The following LNX1 variants were observed in gnomAD, a reference collection of about 807,000 sequenced individuals.
The protein encoded by LNX1 is E3 ubiquitin-protein ligase LNX.
Under a neutral mutation model 68.4 loss-of-function variants are expected in LNX1, and 54 were observed. That is an observed-to-expected ratio of 0.79 (90% CI 0.63 to 0.99). LNX1 has a LOEUF of 0.99. Ranked by LOEUF, LNX1 falls within the 50% of genes least tolerant of loss-of-function variation. The pLI, the probability that LNX1 is intolerant of heterozygous loss-of-function variation, is 0.00. For missense variants in LNX1, 906 were observed against 926.4 expected, an observed-to-expected ratio of 0.98 and a Z score of 0.29; for synonymous variants, 336 against 350.0, an observed-to-expected ratio of 0.96 and a Z score of 0.45.
At position 53,563,829 on chromosome 4, in the gene LNX1, G is replaced by T. The variant is rs147331868; in HGVS notation, c.380+9794C>A. 1.2e-4 allele frequency among the ~76,000 whole-genome samples: 19 copies of T among 152,350 alleles called. No individual in the cohort carries two copies. The East Asian group carries it at 3.5e-3, about 28-fold the overall frequency. On this transcript the variant is annotated intron_variant, in intron 2 of 10. Transcript: ENST00000263925. ...ATTACAGGCATGGGCCACTGCACCTGGCCAGGTTAACTTCAAATTCTTAAT... is the reference window on the plus strand; with the variant it reads ...ATTACAGGCATGGGCCACTGCACCTTGCCAGGTTAACTTCAAATTCTTAAT...
At position 53,605,229 on chromosome 4, in the gene LNX1, GC is replaced by G. The variant is rs1386468145; in HGVS notation, c.-215+11287del. 2.6e-5 allele frequency among the ~76,000 whole-genome samples: 4 copies of G among 152,280 alleles called. No homozygotes were observed. In the East Asian group the frequency reaches 5.8e-4, roughly 22 times the overall value. Reference sequence around the variant, plus strand: ...GGAATGGGAATTGTGTTGTATGGTAGCCATTTTGGAAAATACAATCTACTGC... The same window carrying G: ...GGAATGGGAATTGTGTTGTATGGTAGCATTTTGGAAAATACAATCTACTGC... On this transcript the variant is annotated intron_variant, in intron 2 of 3. Transcript: ENST00000504299.
chr4:53,525,174 TA>T (rs1029645961), intron 2 of LNX1, among the ~76,000 whole-genome samples: 1 of 151,898 alleles, frequency 6.6e-6, no homozygotes, highest in Non-Finnish European at 1.5e-5. Flanking sequence ...CGTTACACAT[TA>T]AAAAAAATTA....
Position 53,561,875 on chromosome 4 carries a change from C to T in LNX1, c.380+11748G>A, listed in dbSNP as rs144909612. Among the ~76,000 whole-genome samples the T allele has an allele frequency of 3.0e-3, 461 of 152,120 alleles. 1 individual carries two copies. The highest frequency in any genetic ancestry group is 0.014 in the Middle Eastern group (4 of 294). ...GAGTAGGTGCAGCAAACCATCATGACACACATACACCTATGTAACAAACCT... is the reference window on the plus strand; with the variant it reads ...GAGTAGGTGCAGCAAACCATCATGATACACATACACCTATGTAACAAACCT... On this transcript the variant is annotated intron_variant, in intron 2 of 10. Coordinates refer to ENST00000263925, the MANE Select transcript of LNX1 (RefSeq NM_001126328.3).
intron 2 of LNX1, among the ~76,000 whole-genome samples, chr4:53,512,035 T>G (rs1726381962): frequency 6.6e-6 from 1 of 152,290 alleles, no homozygotes; most frequent in Admixed American, 6.5e-5. Context: ...CAACTCTCAC[T>G]TTGGGTTCAT....
chr4:53,521,945 G>A (rs1198961966), intron 2 of LNX1, among the ~76,000 whole-genome samples: 1 of 148,804 alleles, frequency 6.7e-6, no homozygotes, highest in African/African-American at 2.5e-5. Flanking sequence ...GACTACAGGT[G>A]TATACCACCA....
In LNX1 at chr4:53,460,617, G is replaced by A. The variant is rs1721806825; in HGVS notation, c.*290C>T. The A allele has an allele frequency of 3.3e-6, 1 of 299,398 alleles. No individual in the cohort carries two copies. Among genetic ancestry groups the A allele is most frequent in the Admixed American group, 5.3e-5 (1 of 18,758 alleles). 18.5% of individuals were successfully genotyped at this position (299,398 alleles called of 1,614,324 possible). The stretch of plus-strand genomic sequence containing the variant: ...ATTTAAATCAGCTTGAATTCAGTGG[G>A]GTATACAAATCATTTTAGTTGTTTT... On this transcript the variant is annotated 3_prime_UTR_variant, in exon 11 of 11. Coordinates refer to ENST00000263925, the MANE Select transcript of LNX1 (RefSeq NM_001126328.3).
At chr4:53,492,532 A>AGAGAGAGAGAGAGAGAGAGAGG in intron 6 of LNX1, among the ~76,000 whole-genome samples, 1 of 151,466 alleles carries the variant, frequency 6.6e-6, no homozygotes, top group South Asian at 2.1e-4. Flanking sequence ...AGAGAGAGAG[A>AGAGAGAGAGAGAGAGAGAGAGG]GAGAGAGAGA....
intron 1 of LNX1, among the ~76,000 whole-genome samples, chr4:53,634,641 C>A (rs1382909357): frequency 1.3e-5 from 2 of 151,936 alleles, no homozygotes; most frequent in Non-Finnish European, 2.9e-5. Flanking sequence ...GGGGAATTGG[C>A]CAACCTACTT....
At chr4:53,481,674 G>C in intron 7 of LNX1, 46 bp downstream of exon 7, 6 of 1,583,786 alleles carry the variant, frequency 3.8e-6, no homozygotes, top group Non-Finnish European at 5.1e-6. Context: ...GCCTTCCCAA[G>C]AAATAGCCCC....
intron 2 of LNX1, among the ~76,000 whole-genome samples, chr4:53,522,335 T>C (rs1197128041): frequency 6.6e-6 from 1 of 152,202 alleles, no homozygotes; most frequent in Non-Finnish European, 1.5e-5. Context: ...CCCCTCTCAA[T>C]GCATTTATTT....
chr4:53,581,649 A>G (rs1731845960), intron 1 of LNX1, among the ~76,000 whole-genome samples: 1 of 152,150 alleles, frequency 6.6e-6, no homozygotes, highest in African/African-American at 2.4e-5. Flanking sequence ...AAACCAACAT[A>G]TCTCATGAGA....
chr4:53,584,145 T>A (rs1160197620), intron 1 of LNX1, among the ~76,000 whole-genome samples: 1 of 152,040 alleles, frequency 6.6e-6, no homozygotes, highest in Non-Finnish European at 1.5e-5. Flanking sequence ...TGTGTATGGT[T>A]TTTTTTCTGT....
At chr4:53,519,366 C>A (rs1289925692) in intron 2 of LNX1, among the ~76,000 whole-genome samples, 1 of 151,886 alleles carries the variant, frequency 6.6e-6, no homozygotes, top group Non-Finnish European at 1.5e-5. Context: ...GGGAGGTACC[C>A]TTTCTCTCCT....
At chr4:53,583,213 T>TG (rs1233181142) in intron 1 of LNX1, among the ~76,000 whole-genome samples, 1 of 152,190 alleles carries the variant, frequency 6.6e-6, no homozygotes, top group Non-Finnish European at 1.5e-5. Flanking sequence ...CAGTGTTCTG[T>TG]GGGCTATTCC....
intron 2 of LNX1, among the ~76,000 whole-genome samples, chr4:53,607,796 G>T (rs1733292785): frequency 6.6e-6 from 1 of 151,910 alleles, no homozygotes; most frequent in East Asian, 1.9e-4. Flanking sequence ...AGAACAGACA[G>T]CCCAGAAGTA....
chr4:53,569,060 T>G (rs1730939990), intron 2 of LNX1, among the ~76,000 whole-genome samples: 1 of 151,190 alleles, frequency 6.6e-6, no homozygotes, highest in Admixed American at 6.6e-5. Flanking sequence ...GTAGGAAGAA[T>G]CAATATCGTG....
chr4:53,467,966 A>G (rs566982016), intron 9 of LNX1, among the ~76,000 whole-genome samples: 20 of 152,354 alleles, frequency 1.3e-4, no homozygotes, highest in South Asian at 4.1e-4. Context: ...GCAGGCCAAC[A>G]TTCAAATTCA....
intron 1 of LNX1, among the ~76,000 whole-genome samples, chr4:53,638,090 G>A (rs1291650845): frequency 6.6e-6 from 1 of 152,198 alleles, no homozygotes; most frequent in Non-Finnish European, 1.5e-5. Context: ...CTTGCTTCCT[G>A]TCATCATGAT....
intron 9 of LNX1, among the ~76,000 whole-genome samples, chr4:53,464,397 T>TA (rs1376910380): frequency 6.6e-6 from 1 of 152,142 alleles, no homozygotes; most frequent in Non-Finnish European, 1.5e-5. Context: ...TATCGTTAAA[T>TA]AAAAAATGAA....
Sources: allele counts gnomAD v4.1 joint callset (sites outside exome capture counted in the v4.1 genomes callset), GRCh38; gene constraint gnomAD v4.1.1; transcripts MANE v1.5; gene names NCBI Gene and HGNC (gene_info 2026-07-23, HGNC 2026-07-21).